WWP2: variants seen among roughly 807,000 people sequenced by gnomAD.
WWP2 encodes WW domain containing E3 ubiquitin protein ligase 2, also known as NEDD4-like E3 ubiquitin-protein ligase WWP2.
Under a neutral mutation model 121.0 loss-of-function variants are expected in WWP2, and 57 were observed. The ratio of observed to expected loss-of-function variants is 0.47; its 90% CI spans 0.38 to 0.59. WWP2 has a LOEUF of 0.59. WWP2 is among the 20% of genes least tolerant of loss of function. The probability of loss-of-function intolerance (pLI) is 0.00; values close to 1 mark genes in which losing one functional copy is unlikely to be tolerated. For synonymous variants in WWP2, 449 were observed against 441.3 expected, an observed-to-expected ratio of 1.02 and a Z score of -0.22; for missense variants, 962 against 1,158.9, an observed-to-expected ratio of 0.83 and a Z score of 2.47.
chr16:69,773,513 C>T (rs1296180268), intron 1 of WWP2, among the ~76,000 whole-genome samples: 2 of 148,488 alleles, frequency 1.3e-5, no homozygotes, highest in Non-Finnish European at 3.0e-5. Context: ...ACAGGGTCTT[C>T]CTCTGTTGCT....
intron 4 of WWP2, among the ~76,000 whole-genome samples, chr16:69,816,225 A>C (rs2056487014): frequency 6.6e-6 from 1 of 152,068 alleles, no homozygotes; most frequent in Non-Finnish European, 1.5e-5. Context: ...CATTATTATT[A>C]ATATTTTGTA....
Position 69,786,934 on chromosome 16 carries a change from G to A in WWP2, c.-15-62G>A, listed in dbSNP as rs1292446133. The stretch of plus-strand genomic sequence containing the variant: ...CTTTAAGCTTAAATATTGAAATTGA[G>A]TTAAACTCCTCTGTCTTCTTATCAG... On this transcript the variant is annotated intron_variant, in intron 1 of 23. Coordinates refer to ENST00000359154, the MANE Select transcript of WWP2 (RefSeq NM_001270454.2). 5 of 1,420,322 alleles carry A rather than the reference G, an allele frequency of 3.5e-6. No individual in the cohort carries two copies. In the Admixed American group the frequency reaches 8.4e-5, roughly 24 times the overall value. The allele number at this position is 1,420,322 out of a possible 1,614,324, so 88.0% of individuals were successfully genotyped here. A position where few individuals can be genotyped will look rare whatever the true frequency, so the allele number is the denominator to read the frequency against.
intron 5 of WWP2, among the ~76,000 whole-genome samples, chr16:69,841,285 G>A (rs2056972410): frequency 6.6e-6 from 1 of 152,194 alleles, no homozygotes; most frequent in African/African-American, 2.4e-5. Context: ...ACCACAGGGT[G>A]CTATGAGATT....
chr16:69,833,249 T>G (rs1024080107), intron 4 of WWP2, among the ~76,000 whole-genome samples: 2 of 152,214 alleles, frequency 1.3e-5, no homozygotes, highest in African/African-American at 4.8e-5. Context: ...TCCTCCCTCT[T>G]TTTACTCCTT....
chr16:69,769,454 T>C (rs1415616174), intron 1 of WWP2, among the ~76,000 whole-genome samples: 2 of 152,188 alleles, frequency 1.3e-5, no homozygotes, highest in Non-Finnish European at 2.9e-5. Context: ...AAAAATTTTT[T>C]AAAACAAGAA....
intron 4 of WWP2, chr16:69,827,909 T>C (rs1282195398): frequency 2.2e-6 from 1 of 455,840 alleles, no homozygotes; most frequent in Non-Finnish European, 4.4e-6. Flanking sequence ...TTTTAAAAAA[T>C]TAAAATATGC....
chr16:69,782,684 C>A (rs1450208003), intron 1 of WWP2, among the ~76,000 whole-genome samples: 1 of 152,144 alleles, frequency 6.6e-6, no homozygotes, highest in Non-Finnish European at 1.5e-5. Flanking sequence ...GAAAAACTAG[C>A]CACTTTAAAT....
In WWP2 at chr16:69,899,551, GA is replaced by G. The variant is rs746057557; in HGVS notation, c.915-9207del. Among the ~76,000 whole-genome samples the G allele has an allele frequency of 2.6e-5, 4 of 152,110 alleles. No individual in the cohort carries two copies. In the East Asian group the frequency reaches 7.7e-4, roughly 29 times the overall value. ...TCAAGACCAGCCTAGCCAAGATGGTGAAACCCTGTCTCTACTAAAAATACAA... is the reference window on the plus strand; with the variant it reads ...TCAAGACCAGCCTAGCCAAGATGGTGAACCCTGTCTCTACTAAAAATACAA... On this transcript the variant is annotated intron_variant, in intron 8 of 23. Transcript: ENST00000359154.
chr16:69,923,178 C>CGGT (rs1209043559), intron 10 of WWP2, among the ~76,000 whole-genome samples: 1 of 152,090 alleles, frequency 6.6e-6, no homozygotes, highest in African/African-American at 2.4e-5. Flanking sequence ...GCCTGAGCCA[C>CGGT]GGCACCCGGC....
chr16:69,762,457 G>C (rs868502374), intron 1 of WWP2, 66 bp downstream of exon 1: 2 of 147,240 alleles, frequency 1.4e-5, no homozygotes, highest in Non-Finnish European at 3.0e-5. Flanking sequence ...CGGGGGCGGC[G>C]GGCGGCGCGG....
At chr16:69,785,252 A>T (rs1376257955) in intron 1 of WWP2, among the ~76,000 whole-genome samples, 6 of 151,628 alleles carry the variant, frequency 4.0e-5, no homozygotes, top group Non-Finnish European at 5.9e-5. Flanking sequence ...AAGACAAAAG[A>T]CAAGGTAGTA....
intron 4 of WWP2, among the ~76,000 whole-genome samples, chr16:69,803,949 C>T (rs111763199): frequency 1.3e-3 from 192 of 152,066 alleles, no homozygotes; most frequent in African/African-American, 4.5e-3. Context: ...GCAGAGCAGC[C>T]TCCACCCTAC....
intron 1 of WWP2, among the ~76,000 whole-genome samples, chr16:69,781,657 C>T (rs549624218): frequency 1.5e-4 from 23 of 152,102 alleles, no homozygotes; most frequent in Admixed American, 1.2e-3. Flanking sequence ...CTGAGTTAGA[C>T]GGTGTCTTAG....
intron 4 of WWP2, among the ~76,000 whole-genome samples, chr16:69,836,993 G>A (rs937705537): frequency 1.3e-5 from 2 of 152,040 alleles, no homozygotes; most frequent in African/African-American, 4.8e-5. Context: ...GCATGATCTT[G>A]GCTCACTGCA....
intron 4 of WWP2, among the ~76,000 whole-genome samples, chr16:69,813,380 T>C (rs978196761): frequency 1.3e-5 from 2 of 152,242 alleles, no homozygotes; most frequent in Non-Finnish European, 2.9e-5. Flanking sequence ...CAGGCTGGTC[T>C]CAAACTCCCA....
intron 8 of WWP2, among the ~76,000 whole-genome samples, chr16:69,903,303 G>C (rs1407379219): frequency 6.6e-6 from 1 of 152,190 alleles, no homozygotes; most frequent in Admixed American, 6.5e-5. Flanking sequence ...GAATACCACT[G>C]TGTCAATTAC....
At chr16:69,929,653 C>G in intron 12 of WWP2, 124 bp downstream of exon 12, 4 of 805,328 alleles carry the variant, frequency 5.0e-6, no homozygotes, top group Non-Finnish European at 8.1e-6. Flanking sequence ...TAGCCACACA[C>G]AAGTGTCTTG....
intron 9 of WWP2, among the ~76,000 whole-genome samples, chr16:69,912,510 A>G (rs1226819325): frequency 1.3e-5 from 2 of 152,054 alleles, no homozygotes; most frequent in African/African-American, 4.8e-5. Context: ...GAACTCAGAA[A>G]CAAGAGATTA....
chr16:69,838,427 G>A (rs2056915678), intron 4 of WWP2, among the ~76,000 whole-genome samples: 1 of 142,414 alleles, frequency 7.0e-6, no homozygotes, highest in Admixed American at 7.4e-5. Context: ...TAATAGAGGA[G>A]GGAGACCCTC....
Sources: gnomAD v4.1 joint callset for allele counts (sites outside exome capture counted in the v4.1 genomes callset) on GRCh38, gnomAD v4.1.1 for gene constraint, MANE v1.5 for transcripts, NCBI Gene and HGNC (gene_info 2026-07-23, HGNC 2026-07-21) for gene names.